ERO1B: variants seen among roughly 807,000 people sequenced by gnomAD.
ERO1B encodes ERO1-like protein beta.
A neutral mutation model predicts 75.3 loss-of-function variants in ERO1B; 49 were observed. The ratio of observed to expected loss-of-function variants is 0.65; its 90% CI spans 0.52 to 0.83. The LOEUF (loss-of-function observed/expected upper bound fraction) is 0.83. ERO1B is among the 40% of genes least tolerant of loss of function. The pLI is 0.00. For missense variants in ERO1B, 512 were observed against 560.1 expected (o/e 0.91, Z 0.87); for synonymous variants, 191 against 192.9 (o/e 0.99, Z 0.08).
intron 13 of ERO1B, among the ~76,000 whole-genome samples, chr1:236,224,279 C>A (rs12031916): frequency 6.6e-6 from 1 of 151,838 alleles, no homozygotes; most frequent in Non-Finnish European, 1.5e-5. Context: ...TGAAACTACC[C>A]GGATTTCAGA....
At chr1:236,263,849 C>A (rs1350893579) in intron 2 of ERO1B, among the ~76,000 whole-genome samples, 2 of 133,204 alleles carry the variant, frequency 1.5e-5, no homozygotes, top group African/African-American at 5.7e-5. Flanking sequence ...GTCTCAACCT[C>A]CTGGGCTCAA....
At chr1:236,279,509 A>AAAAAAAAAAAAC (rs1665778227) in intron 1 of ERO1B, among the ~76,000 whole-genome samples, 3 of 144,652 alleles carry the variant, frequency 2.1e-5, no homozygotes, top group South Asian at 4.4e-4. Context: ...CATCTCAAAA[A>AAAAAAAAAAAAC]AAAAAAAAAA....
At chr1:236,259,972 T>A (rs1665256784) in intron 2 of ERO1B, among the ~76,000 whole-genome samples, 1 of 152,192 alleles carries the variant, frequency 6.6e-6, no homozygotes, top group African/African-American at 2.4e-5. Context: ...GGATAGAGCA[T>A]GTTAGGCCAC....
chr1:236,217,885 T>C lies in ERO1B; in HGVS notation c.*631A>G, dbSNP rs1664036062. On this transcript the variant is annotated 3_prime_UTR_variant, in exon 16 of 16. Coordinates refer to ENST00000354619, the MANE Select transcript of ERO1B (RefSeq NM_019891.4). Reference sequence around the variant, plus strand: ...CCTTTAGACTGGAAACAGCAACAATTACAGCAACTAAAAACTGCAAATAAA... The same window carrying C: ...CCTTTAGACTGGAAACAGCAACAATCACAGCAACTAAAAACTGCAAATAAA... 1.3e-5 allele frequency: 2 copies of C among 152,132 alleles called. No individual in the cohort carries two copies. The highest frequency in any genetic ancestry group is 4.8e-5 in the African/African-American group (2 of 41,432). 9.4% of individuals were successfully genotyped at this position (152,132 alleles called of 1,614,324 possible).
chr1:236,245,313 TATATATATAC>T (rs1228035998), intron 5 of ERO1B, among the ~76,000 whole-genome samples: 8 of 21,102 alleles, frequency 3.8e-4, no homozygotes, highest in African/African-American at 6.8e-4. Context: ...TATATATATA[TATATATATAC>T]ACACACGTAT....
intron 2 of ERO1B, among the ~76,000 whole-genome samples, chr1:236,264,852 A>C (rs1433375403): frequency 6.6e-6 from 1 of 152,058 alleles, no homozygotes. Context: ...TCCAAAAAAA[A>C]AGAAGGGTGG....
At chr1:236,237,891 A>G (rs1024942263) in intron 6 of ERO1B, among the ~76,000 whole-genome samples, 11 of 152,086 alleles carry the variant, frequency 7.2e-5, no homozygotes, top group Admixed American at 2.6e-4. Context: ...CTCAGGCTGG[A>G]GTGCAGTGTG....
At chr1:236,245,837 CT>C (rs978856735) in intron 5 of ERO1B, among the ~76,000 whole-genome samples, 2 of 150,706 alleles carry the variant, frequency 1.3e-5, no homozygotes, top group African/African-American at 4.9e-5. Context: ...CATGATCCCC[CT>C]GCCTCGGCCT....
At position 236,218,385 on chromosome 1, in the gene ERO1B, G is replaced by A. The variant is rs1664050406; in HGVS notation, c.*131C>T. ...TATTAAGAATCATAAATATTCAAGTGAGCATTTAAATTTTCTATTTAATAG... is the reference window on the plus strand; with the variant it reads ...TATTAAGAATCATAAATATTCAAGTAAGCATTTAAATTTTCTATTTAATAG... On this transcript the variant is annotated 3_prime_UTR_variant, in exon 16 of 16. Transcript: ENST00000354619. 9.5e-6 allele frequency: 7 copies of A among 735,142 alleles called. No individual in the cohort carries two copies. The highest frequency in any genetic ancestry group is 1.3e-5 in the Non-Finnish European group (7 of 540,512). 45.5% of individuals were successfully genotyped at this position (735,142 alleles called of 1,614,324 possible). A position where few individuals can be genotyped will look rare whatever the true frequency, so the allele number is the denominator to read the frequency against.
At chr1:236,273,568 T>C (rs1665644601) in intron 1 of ERO1B, among the ~76,000 whole-genome samples, 1 of 152,092 alleles carries the variant, frequency 6.6e-6, no homozygotes, top group African/African-American at 2.4e-5. Flanking sequence ...CTCACACCTG[T>C]AATCTTAGCA....
At chr1:236,258,242 T>C (rs1214726182) in intron 2 of ERO1B, among the ~76,000 whole-genome samples, 1 of 149,296 alleles carries the variant, frequency 6.7e-6, no homozygotes, top group Non-Finnish European at 1.5e-5. Flanking sequence ...GACGTTATTA[T>C]CAAATTGTCA....
In ERO1B at chr1:236,239,909, A is replaced by ATTTTTT. The variant is rs1345692165; in HGVS notation, c.505+3512_506-3511insAAAAAA. On this transcript the variant is annotated intron_variant, in intron 6 of 15. Transcript: ENST00000354619. ...TGTGTGTGTATATATATATATATAT[A>ATTTTTT]TATTTTTTTTTTTTGCGATGAGGCT... 2.2e-4 allele frequency among the ~76,000 whole-genome samples: 23 copies of ATTTTTT among 106,954 alleles called. No individual in the cohort carries two copies. The East Asian group carries it at 2.6e-3, about 12-fold the overall frequency. 70.2% of individuals were successfully genotyped at this position (106,954 alleles called of 152,430 possible).
chr1:236,251,482 A>G (rs1665028115), intron 4 of ERO1B: 1 of 980,888 alleles, frequency 1.0e-6, no homozygotes, highest in African/African-American at 1.7e-5. Context: ...CGGGAGAGAG[A>G]GCAAGAAGAA....
At chr1:236,223,033 T>C (rs1035012523) in intron 13 of ERO1B, among the ~76,000 whole-genome samples, 1 of 152,002 alleles carries the variant, frequency 6.6e-6, no homozygotes, top group African/African-American at 2.4e-5. Context: ...TGAAACCTCA[T>C]GTCTACTAAA....
chr1:236,225,258 T>A, intron 12 of ERO1B, 119 bp from the exon 13 acceptor site: 3 of 911,530 alleles, frequency 3.3e-6, no homozygotes, highest in Non-Finnish European at 5.1e-6. Context: ...TACTCCGATG[T>A]AAGTTTTGGT....
Position 236,256,548 on chromosome 1 carries a change from T to C in ERO1B, c.223-3043A>G, listed in dbSNP as rs918116095. Among the ~76,000 whole-genome samples, 13 of 152,310 alleles carry C rather than the reference T, an allele frequency of 8.5e-5. No homozygotes were observed. The East Asian group carries it at 2.5e-3, about 29-fold the overall frequency. On this transcript the variant is annotated intron_variant, in intron 2 of 15. Transcript: ENST00000354619. ...GGAAGGAGGCGGGGGGACCTCCCCA[T>C]TCCTGAAAAGGAAAGTCAGCACTCC...
intron 1 of ERO1B, among the ~76,000 whole-genome samples, chr1:236,281,006 C>G (rs1160100330): frequency 1.3e-5 from 2 of 152,220 alleles, no homozygotes; most frequent in Non-Finnish European, 2.9e-5. Flanking sequence ...CACCTCACGA[C>G]TGCCAGAGCC....
intron 1 of ERO1B, among the ~76,000 whole-genome samples, chr1:236,272,369 C>T (rs12062520): frequency 0.042 from 6,442 of 152,200 alleles, 435 homozygotes; most frequent in African/African-American, 0.14. Context: ...CCATGGAATA[C>T]TAAGTAGCCA....
chr1:236,230,128 T>G, intron 10 of ERO1B, 96 bp downstream of exon 10: 2 of 916,578 alleles, frequency 2.2e-6, no homozygotes, highest in South Asian at 3.0e-5. Context: ...CAAAATTAGT[T>G]GACTAGGTAA....
Sources: allele counts gnomAD v4.1 joint callset (sites outside exome capture counted in the v4.1 genomes callset), GRCh38; gene constraint gnomAD v4.1.1; transcripts MANE v1.5; gene names NCBI Gene and HGNC (gene_info 2026-07-23, HGNC 2026-07-21).